The following ZFR2 variants were observed in gnomAD, a reference collection of about 807,000 sequenced individuals.
ZFR2 encodes zinc finger RNA-binding protein 2.
ZFR2 carries 104 observed loss-of-function variants against 105.7 expected under a neutral mutation model. That is an observed-to-expected ratio of 0.98 (90% CI 0.84 to 1.16). ZFR2 has a LOEUF of 1.16. ZFR2 is among the 50% of genes most tolerant of loss of function. The pLI, the probability that ZFR2 is intolerant of heterozygous loss-of-function variation, is 0.00. For synonymous variants in ZFR2, 634 were observed against 597.7 expected (o/e 1.06, Z -0.89); for missense variants, 1,425 against 1,355.5 (o/e 1.05, Z -0.80).
In ZFR2 at chr19:3,813,908, A is replaced by C. The variant is rs45465594; in HGVS notation, c.2154T>G (p.Ile718Met). ...YEVSSDPEAN[I>M]VISSCEEPRM... ...TGGGCTCCTCACAGGAGGAGATGAC[A>C]ATGTTGGCTTCAGGGTCGGAGGAGA... is the stretch of plus-strand genomic sequence containing the variant. Residue 718 changes from isoleucine (I) to methionine (M), a missense_variant, in exon 14 of 19, where the codon ATT (isoleucine) becomes ATG (methionine). By Grantham distance (10) the Ile-to-Met change is conservative (BLOSUM62 1). Coordinates refer to ENST00000262961, the MANE Select transcript of ZFR2 (RefSeq NM_015174.2). This position sits in a 1 kb window ranked among gnomAD's most constrained non-coding sequence, Gnocchi z 4.4. 0.021 allele frequency: 33,174 copies of C among 1,613,856 alleles called. 411 individuals are homozygous for C. The highest frequency in any genetic ancestry group is 0.024 in the Non-Finnish European group (28,358 of 1,179,834).
intron 1 of ZFR2, among the ~76,000 whole-genome samples, chr19:3,841,253 G>T (rs556650209): frequency 6.6e-6 from 1 of 152,358 alleles, no homozygotes; most frequent in East Asian, 1.9e-4. Context: ...AACACGGCCG[G>T]CAACGGGTCT....
intron 1 of ZFR2, among the ~76,000 whole-genome samples, chr19:3,864,041 C>T (rs937762444): frequency 1.3e-5 from 2 of 152,176 alleles, no homozygotes; most frequent in East Asian, 1.9e-4. Context: ...CCCCGCCTCC[C>T]ACTTCCTGAA....
chr19:3,867,061 G>A (rs1188459467), intron 1 of ZFR2, among the ~76,000 whole-genome samples: 1 of 152,078 alleles, frequency 6.6e-6, no homozygotes, highest in Non-Finnish European at 1.5e-5. Context: ...TGGAAGGGTC[G>A]GCACTGCCGC....
chr19:3,807,726 G>A (rs547695299), intron 17 of ZFR2, among the ~76,000 whole-genome samples: 4 of 111,416 alleles, frequency 3.6e-5, no homozygotes, highest in African/African-American at 1.0e-4. Context: ...CGGTGTGCCC[G>A]TGTGTGTGTG....
intron 14 of ZFR2, among the ~76,000 whole-genome samples, chr19:3,812,515 T>A (rs1326263478): frequency 6.6e-6 from 1 of 151,990 alleles, no homozygotes; most frequent in Non-Finnish European, 1.5e-5. Flanking sequence ...TGATCTGTCC[T>A]CACAGAAGGA....
intron 5 of ZFR2, among the ~76,000 whole-genome samples, chr19:3,828,715 G>A (rs369310886): frequency 1.6e-4 from 25 of 152,234 alleles, no homozygotes; most frequent in African/African-American, 5.8e-4. Context: ...AAATGAAGCC[G>A]GCCACAGACA....
intron 3 of ZFR2, 27 bp from the exon 4 acceptor site, chr19:3,831,905 A>G: frequency 6.6e-7 from 1 of 1,505,856 alleles, no homozygotes; most frequent in Non-Finnish European, 8.8e-7. Flanking sequence ...GGCCCTCTGC[A>G]GAGCCAACCC....
intron 5 of ZFR2, among the ~76,000 whole-genome samples, chr19:3,830,498 G>A (rs2038000452): frequency 6.6e-6 from 1 of 152,134 alleles, no homozygotes; most frequent in Non-Finnish European, 1.5e-5. Context: ...CTCCCAGCAT[G>A]AGACACAGTG....
At chr19:3,815,310 G>C (rs576282739) in intron 13 of ZFR2, among the ~76,000 whole-genome samples, 1 of 152,112 alleles carries the variant, frequency 6.6e-6, no homozygotes, top group East Asian at 1.9e-4. Flanking sequence ...AGCTGGTCTC[G>C]AACTCCGGAC....
At chr19:3,825,994 G>A (rs1221073899) in intron 6 of ZFR2, among the ~76,000 whole-genome samples, 3 of 152,072 alleles carry the variant, frequency 2.0e-5, no homozygotes, top group Non-Finnish European at 4.4e-5. Flanking sequence ...TCTCTGACAC[G>A]CTGTACCCTG....
rs2038053119 is a variant in ZFR2, at chr19:3,834,276, G to T, written c.264+497C>A. The stretch of plus-strand genomic sequence containing the variant: ...GACACCAAGTGGGAACACGGTGGCT[G>T]GATCTGCAGCCTGAGTGCCTCGGTT... On this transcript the variant is annotated intron_variant, in intron 2 of 18. Coordinates refer to ENST00000262961, the MANE Select transcript of ZFR2 (RefSeq NM_015174.2). This position sits in a 1 kb window ranked among gnomAD's most constrained non-coding sequence, Gnocchi z 5.3. Among the ~76,000 whole-genome samples the T allele has an allele frequency of 6.6e-6, 1 of 152,174 alleles. No individual in the cohort carries two copies. Among genetic ancestry groups the T allele is most frequent in the Non-Finnish European group, 1.5e-5 (1 of 68,036 alleles).
At chr19:3,845,628 CA>C (rs34786955) in intron 1 of ZFR2, among the ~76,000 whole-genome samples, 82,639 of 126,864 alleles carry the variant, frequency 0.65, 25,224 homozygotes, top group African/African-American at 0.77. Flanking sequence ...CCCATCTTTA[CA>C]AAAAAAAAAA....
intron 1 of ZFR2, among the ~76,000 whole-genome samples, chr19:3,848,216 A>G (rs2038202645): frequency 6.6e-6 from 1 of 152,148 alleles, no homozygotes; most frequent in Non-Finnish European, 1.5e-5. Context: ...GTTCGAGACC[A>G]GCCTGGCCAA....
chr19:3,810,919 G>A (rs978511136), intron 15 of ZFR2, 74 bp from the exon 16 acceptor site: 5 of 1,486,944 alleles, frequency 3.4e-6, no homozygotes, highest in East Asian at 2.5e-5. Flanking sequence ...GCTCTGTCGT[G>A]AGCGTGAACC....
chr19:3,810,666 T>G, intron 16 of ZFR2, 84 bp downstream of exon 16: 1 of 1,316,452 alleles, frequency 7.6e-7, no homozygotes. Context: ...AGGGAAAAGG[T>G]CTGTCTCTCA....
intron 1 of ZFR2, among the ~76,000 whole-genome samples, chr19:3,868,244 C>T (rs1423721061): frequency 6.6e-6 from 1 of 151,834 alleles, no homozygotes; most frequent in African/African-American, 2.4e-5. Flanking sequence ...ACTGTGGCTT[C>T]CTCCTGCCCA....
In ZFR2 at chr19:3,827,609, C is replaced by G; in HGVS notation, c.897G>C (p.Glu299Asp). Reference protein sequence around the residue: ...HLGGQKHRKKEAAQKTGVQPN... With the variant: ...HLGGQKHRKKDAAQKTGVQPN... ...GCTGCACGCCTGTCTTCTGGGCCGC[C>G]TCCTTCTTTCTGTGCTTCTGCCCTC... The change falls in exon 6 of 19, where the codon GAG becomes GAC. Residue 299 changes from glutamate to aspartate, a missense_variant. Transcript: ENST00000262961. 1 of 1,582,436 alleles carries G rather than the reference C, an allele frequency of 6.3e-7. No individual in the cohort carries two copies. The highest frequency in any genetic ancestry group is 8.6e-7 in the Non-Finnish European group (1 of 1,164,860).
At chr19:3,817,791 G>A (rs555845463) in intron 12 of ZFR2, among the ~76,000 whole-genome samples, 1 of 149,552 alleles carries the variant, frequency 6.7e-6, no homozygotes, top group Non-Finnish European at 1.5e-5. Flanking sequence ...GGAGAGGGCA[G>A]CTTCCTGGGC....
intron 13 of ZFR2, among the ~76,000 whole-genome samples, chr19:3,815,927 T>G (rs1018948144): frequency 2.0e-5 from 3 of 151,938 alleles, no homozygotes; most frequent in Non-Finnish European, 2.9e-5. Context: ...AATTTTTTTT[T>G]TGTATTTTTA....
Sources: gnomAD v4.1 joint callset for allele counts (sites outside exome capture counted in the v4.1 genomes callset) on GRCh38, gnomAD v4.1.1 for gene constraint, Gnocchi (gnomAD v3.1) non-coding constraint, MANE v1.5 for transcripts, NCBI Gene and HGNC (gene_info 2026-07-23, HGNC 2026-07-21) for gene names.